The following PCDH9 variants were observed in gnomAD, a reference collection of about 807,000 sequenced individuals.
The protein encoded by PCDH9 is protocadherin 9, also known as protocadherin-9.
PCDH9 carries 24 observed loss-of-function variants against 70.6 expected under a neutral mutation model. The observed-to-expected ratio is 0.34, with a 90% CI of 0.25 to 0.48. PCDH9 has a LOEUF of 0.48. Among genes scored for constraint, PCDH9 ranks in the 20% least tolerant of loss-of-function variants. The pLI is 0.99. For missense variants in PCDH9, 1,281 were observed against 1,503.6 expected, an observed-to-expected ratio of 0.85 and a Z score of 2.45; for synonymous variants, 562 against 558.5, an observed-to-expected ratio of 1.01 and a Z score of -0.09.
intron 2 of PCDH9, among the ~76,000 whole-genome samples, chr13:67,008,003 C>T (rs1237740280): frequency 6.6e-6 from 1 of 152,070 alleles, no homozygotes; most frequent in Non-Finnish European, 1.5e-5. Flanking sequence ...ATATTAGCAT[C>T]CTTCATGAAA....
chr13:66,472,238 A>G (rs529748574), intron 4 of PCDH9, among the ~76,000 whole-genome samples: 1 of 151,030 alleles, frequency 6.6e-6, no homozygotes, highest in South Asian at 2.1e-4. Context: ...GAAAAAAGAA[A>G]AGAAAAGAAA....
At chr13:66,976,088 G>A (rs1055736520) in intron 2 of PCDH9, among the ~76,000 whole-genome samples, 10 of 152,026 alleles carry the variant, frequency 6.6e-5, no homozygotes, top group Non-Finnish European at 1.5e-4. Context: ...TACAAAGTAA[G>A]ACAGGAGACG....
chr13:66,656,129 C>CA (rs746661684), intron 3 of PCDH9, among the ~76,000 whole-genome samples: 332 of 119,662 alleles, frequency 2.8e-3, no homozygotes, highest in South Asian at 7.3e-3. Context: ...AAAGGAAAAG[C>CA]AAAAAAAAAA....
intron 2 of PCDH9, among the ~76,000 whole-genome samples, chr13:66,927,195 G>C (rs1261995880): frequency 6.6e-6 from 1 of 151,998 alleles, no homozygotes; most frequent in Non-Finnish European, 1.5e-5. Flanking sequence ...AAGTCCCATA[G>C]ACCGGTGGCT....
rs1957180478 is a variant in PCDH9, at chr13:66,401,264, G to A, written c.3341-96236C>T. Among the ~76,000 whole-genome samples, 2 of 152,124 alleles carry A rather than the reference G, an allele frequency of 1.3e-5. 1 individual carries two copies. Among genetic ancestry groups the A allele is most frequent in the South Asian group, 4.1e-4 (2 of 4,834 alleles). On this transcript the variant is annotated intron_variant, in intron 4 of 4. Coordinates refer to ENST00000377865, the MANE Select transcript of PCDH9 (RefSeq NM_203487.3). ...GGGTGTCGGGGAAGGGATCTCGTGG[G>A]AGGTGATTAGATCATGGGGGCGGTC...
intron 2 of PCDH9, among the ~76,000 whole-genome samples, chr13:67,100,918 C>G (rs1021896370): frequency 9.9e-5 from 15 of 151,636 alleles, no homozygotes; most frequent in African/African-American, 3.4e-4. Flanking sequence ...TGCAATCACT[C>G]AAAAAAAATG....
chr13:66,623,328 T>G (rs2077454742), intron 4 of PCDH9, among the ~76,000 whole-genome samples: 1 of 152,262 alleles, frequency 6.6e-6, no homozygotes, highest in African/African-American at 2.4e-5. Context: ...TGTACTATGT[T>G]AAACCATGTA....
At chr13:67,059,886 T>TG (rs2085503511) in intron 2 of PCDH9, among the ~76,000 whole-genome samples, 1 of 348 alleles carries the variant, frequency 2.9e-3, no homozygotes, top group African/African-American at 7.9e-3. Context: ...TTTTTTGTTG[T>TG]TTTTTTTTTT....
chr13:66,523,484 ATG>A (rs1189833758), intron 4 of PCDH9, among the ~76,000 whole-genome samples: 1 of 152,032 alleles, frequency 6.6e-6, no homozygotes, highest in Non-Finnish European at 1.5e-5. Flanking sequence ...GTAGCACATA[ATG>A]TGTGTCTTCT....
At chr13:66,698,180 A>G (rs2078589751) in intron 3 of PCDH9, among the ~76,000 whole-genome samples, 1 of 152,196 alleles carries the variant, frequency 6.6e-6, no homozygotes, top group Non-Finnish European at 1.5e-5. Context: ...TGGGTAATGG[A>G]AAAGTTCCAG....
intron 4 of PCDH9, among the ~76,000 whole-genome samples, chr13:66,424,343 A>G (rs1471461304): frequency 6.6e-6 from 1 of 152,056 alleles, no homozygotes; most frequent in Non-Finnish European, 1.5e-5. Context: ...AGGTTTGTAG[A>G]AAGAAAACTT....
At chr13:67,163,328 T>C (rs1032089460) in intron 2 of PCDH9, among the ~76,000 whole-genome samples, 2 of 152,236 alleles carry the variant, frequency 1.3e-5, no homozygotes, top group African/African-American at 4.8e-5. Flanking sequence ...TAAACCTATA[T>C]GTGAAATAAT....
intron 4 of PCDH9, among the ~76,000 whole-genome samples, chr13:66,516,773 C>T (rs529350550): frequency 2.0e-5 from 3 of 151,840 alleles, no homozygotes; most frequent in Admixed American, 2.0e-4. Context: ...TGTGTGTGTG[C>T]TTGTATGAGT....
At position 66,824,651 on chromosome 13, in the gene PCDH9, G is replaced by GATATATAT. The variant is rs67211029; in HGVS notation, c.3138+78845_3138+78852dup. ...ACCTGGGCAACAAGAGCGAAACTCT[G>GATATATAT]ATATATATATATATATATATATATA... On this transcript the variant is annotated intron_variant, in intron 3 of 4. Coordinates refer to ENST00000377865, the MANE Select transcript of PCDH9 (RefSeq NM_203487.3). Among the ~76,000 whole-genome samples the GATATATAT allele has an allele frequency of 2.3e-3, 232 of 98,902 alleles. 1 individual carries two copies. The highest frequency in any genetic ancestry group is 2.6e-3 in the Non-Finnish European group (137 of 52,584). The allele number at this position is 98,902 out of a possible 152,430, so 64.9% of individuals were successfully genotyped here. A position where few individuals can be genotyped will look rare whatever the true frequency, so the allele number is the denominator to read the frequency against.
intron 3 of PCDH9, among the ~76,000 whole-genome samples, chr13:66,799,754 G>A (rs2080298045): frequency 1.3e-5 from 2 of 152,108 alleles, no homozygotes; most frequent in Admixed American, 6.6e-5. Flanking sequence ...TCTGTTAAAT[G>A]GCAATTTACA....
intron 2 of PCDH9, among the ~76,000 whole-genome samples, chr13:66,995,263 A>G (rs1439786329): frequency 6.6e-6 from 1 of 152,226 alleles, no homozygotes; most frequent in Non-Finnish European, 1.5e-5. Flanking sequence ...TCTCAAGGGC[A>G]TCGGAAAGGC....
At chr13:66,460,928 A>T (rs559295723) in intron 4 of PCDH9, among the ~76,000 whole-genome samples, 7 of 152,006 alleles carry the variant, frequency 4.6e-5, no homozygotes, top group Non-Finnish European at 1.0e-4. Flanking sequence ...AATAATACTG[A>T]TAAAATTATT....
chr13:66,620,661 T>C (rs906246423), intron 4 of PCDH9, among the ~76,000 whole-genome samples: 1 of 152,218 alleles, frequency 6.6e-6, no homozygotes, highest in Admixed American at 6.5e-5. Flanking sequence ...TTTATTGGTA[T>C]CTAGTACTTT....
intron 3 of PCDH9, among the ~76,000 whole-genome samples, chr13:66,644,347 G>T (rs561005467): frequency 6.6e-6 from 1 of 151,384 alleles, no homozygotes; most frequent in African/African-American, 2.4e-5. Flanking sequence ...ATGTTAAATC[G>T]TAGGGAAAAC....
Sources: gnomAD v4.1 joint callset for allele counts (sites outside exome capture counted in the v4.1 genomes callset) on GRCh38, gnomAD v4.1.1 for gene constraint, MANE v1.5 for transcripts, NCBI Gene and HGNC (gene_info 2026-07-23, HGNC 2026-07-21) for gene names.